The following CCDC171 variants were observed in gnomAD, a reference collection of about 807,000 sequenced individuals.
CCDC171 encodes coiled-coil domain-containing protein 171.
A neutral mutation model predicts 168.2 loss-of-function variants in CCDC171; 177 were observed. That is an observed-to-expected ratio of 1.05 (90% CI 0.93 to 1.19). CCDC171 has a LOEUF of 1.19. Ranked by LOEUF, CCDC171 falls within the 50% of genes most tolerant of loss-of-function variation. CCDC171 has a pLI of 0.00. For synonymous variants in CCDC171, 687 were observed against 540.8 expected, an observed-to-expected ratio of 1.27 and a Z score of -3.75; for missense variants, 1,991 against 1,539.0, an observed-to-expected ratio of 1.29 and a Z score of -4.91.
chr9:16,106,761 A>G, the CCDC171 span, among the ~76,000 whole-genome samples: 1 of 152,162 alleles, frequency 6.6e-6, no homozygotes, highest in Admixed American at 6.5e-5. Flanking sequence ...ATGCTAAACA[A>G]TAAAACTAAA....
intron 23 of CCDC171, chr9:15,850,282 G>A (rs1274524698): frequency 6.6e-6 from 1 of 151,928 alleles, no homozygotes; most frequent in Non-Finnish European, 1.5e-5. Context: ...GAACTTCGAC[G>A]TCAGGGAAAA....
In CCDC171 at chr9:15,698,244, A is replaced by G. The variant is rs557098782; in HGVS notation, c.1318+2907A>G. ...ATGTGTGAGTAAGAACATAAGGGCC[A>G]GGCGCGGTGGCTCACGCCTGTAATC... On this transcript the variant is annotated intron_variant, in intron 11 of 25. Transcript: ENST00000380701. Among the ~76,000 whole-genome samples the G allele has an allele frequency of 5.9e-5, 9 of 152,262 alleles. No individual in the cohort carries two copies. In the East Asian group the frequency reaches 1.7e-3, roughly 29 times the overall value.
intron 3 of CCDC171, among the ~76,000 whole-genome samples, chr9:15,987,414 C>G (rs1244421378): frequency 1.3e-5 from 2 of 151,418 alleles, no homozygotes; most frequent in Admixed American, 6.6e-5. Flanking sequence ...ACCCCTTGAA[C>G]CTAAAATAAA....
At chr9:16,009,636 C>T (rs10756732) in intron 3 of CCDC171, among the ~76,000 whole-genome samples, 49,543 of 151,914 alleles carry the variant, frequency 0.33, 8,347 homozygotes, top group Non-Finnish European at 0.36. Context: ...CAGAAAGAAC[C>T]ACATACATCA....
intron 3 of CCDC171, among the ~76,000 whole-genome samples, chr9:15,994,054 G>C (rs943329766): frequency 6.6e-6 from 1 of 152,178 alleles, no homozygotes; most frequent in Non-Finnish European, 1.5e-5. Context: ...TCGAGAACTA[G>C]AAATACCATT....
intron 18 of CCDC171, among the ~76,000 whole-genome samples, chr9:15,752,902 A>T (rs2055852342): frequency 6.6e-6 from 1 of 152,144 alleles, no homozygotes; most frequent in Non-Finnish European, 1.5e-5. Flanking sequence ...TAAAAAAAGA[A>T]AAAGGTGATT....
intron 21 of CCDC171, among the ~76,000 whole-genome samples, chr9:15,832,897 G>C (rs2060290715): frequency 6.7e-6 from 1 of 149,600 alleles, no homozygotes; most frequent in Admixed American, 6.7e-5. Flanking sequence ...AGTAAGACAT[G>C]AATACGCGTT....
At chr9:15,682,453 A>G (rs2050104725) in intron 10 of CCDC171, among the ~76,000 whole-genome samples, 1 of 151,944 alleles carries the variant, frequency 6.6e-6, no homozygotes, top group African/African-American at 2.4e-5. Context: ...ATTTAATTGT[A>G]CTTTATTTAT....
intron 25 of CCDC171, among the ~76,000 whole-genome samples, chr9:15,946,166 G>C (rs1828350697): frequency 6.6e-6 from 1 of 151,818 alleles, no homozygotes; most frequent in Non-Finnish European, 1.5e-5. Context: ...GTTTTTCTCA[G>C]GTTTGTCAAA....
At chr9:15,934,862 A>G (rs1043973283) in intron 25 of CCDC171, among the ~76,000 whole-genome samples, 7 of 152,072 alleles carry the variant, frequency 4.6e-5, no homozygotes, top group Non-Finnish European at 8.8e-5. Flanking sequence ...TACAACATGG[A>G]TGCACTGTGA....
intron 9 of CCDC171, among the ~76,000 whole-genome samples, chr9:15,666,867 A>G (rs80226594): frequency 0.074 from 11,268 of 152,272 alleles, 561 homozygotes; most frequent in Non-Finnish European, 0.12. Context: ...CTCAAACTAC[A>G]GAAATAATAA....
chr9:15,883,769 A>G (rs917174713), intron 24 of CCDC171, among the ~76,000 whole-genome samples: 6 of 152,238 alleles, frequency 3.9e-5, no homozygotes. Flanking sequence ...ATCTGAACTG[A>G]GATTAAGGAA....
At chr9:15,867,232 T>G (rs551657742) in intron 23 of CCDC171, among the ~76,000 whole-genome samples, 2 of 152,202 alleles carry the variant, frequency 1.3e-5, no homozygotes, top group African/African-American at 4.8e-5. Context: ...GAAGACACTG[T>G]ATAACCAAAT....
intron 3 of CCDC171, among the ~76,000 whole-genome samples, chr9:15,992,353 G>T (rs1832229500): frequency 6.6e-6 from 1 of 152,160 alleles, no homozygotes; most frequent in African/African-American, 2.4e-5. Context: ...AATAGATGCA[G>T]AAAAGGCCTT....
At chr9:16,024,954 C>T (rs1487671001) in intron 6 of CCDC171, among the ~76,000 whole-genome samples, 1 of 152,186 alleles carries the variant, frequency 6.6e-6, no homozygotes, top group African/African-American at 2.4e-5. Context: ...TTTCCATTCC[C>T]AGACATGGGA....
At chr9:15,820,360 T>G (rs1219861452) in intron 21 of CCDC171, among the ~76,000 whole-genome samples, 1 of 114,120 alleles carries the variant, frequency 8.8e-6, no homozygotes, top group Admixed American at 8.3e-5. Flanking sequence ...CTGAAGGAAA[T>G]AGAGGCACAA....
At chr9:15,804,125 T>TA (rs2058961723) in intron 21 of CCDC171, among the ~76,000 whole-genome samples, 1 of 152,166 alleles carries the variant, frequency 6.6e-6, no homozygotes, top group Non-Finnish European at 1.5e-5. Flanking sequence ...TTGAGAAGCT[T>TA]TTGGGCTGTG....
At chr9:15,895,836 T>G (rs1169480) in intron 24 of CCDC171, among the ~76,000 whole-genome samples, 63,507 of 151,772 alleles carry the variant, frequency 0.42, 13,465 homozygotes, top group Admixed American at 0.44. Context: ...CAAGCATTTT[T>G]CAGGCTGCTT....
At position 15,860,206 on chromosome 9, in the gene CCDC171, A is replaced by G. The variant is rs375741510; in HGVS notation, c.3468+11259A>G. Among the ~76,000 whole-genome samples, 7 of 151,494 alleles carry G rather than the reference A, an allele frequency of 4.6e-5. No individual in the cohort carries two copies. In the East Asian group the frequency reaches 1.2e-3, roughly 25 times the overall value. ...AAAGGTTTGTAAATTTCGTCTTTTC[A>G]AAATATAAACTCTTAGTTTTACTGA... On this transcript the variant is annotated intron_variant, in intron 23 of 25. Coordinates refer to ENST00000380701, the MANE Select transcript of CCDC171 (RefSeq NM_173550.4).
Sources: allele counts gnomAD v4.1 joint callset (sites outside exome capture counted in the v4.1 genomes callset), GRCh38; gene constraint gnomAD v4.1.1; transcripts MANE v1.5; gene names NCBI Gene and HGNC (gene_info 2026-07-23, HGNC 2026-07-21).